The following TFG variants were observed in gnomAD, a reference collection of about 807,000 sequenced individuals.
TFG encodes trafficking from ER to golgi regulator.
A neutral mutation model predicts 51.4 loss-of-function variants in TFG; 22 were observed. That is an observed-to-expected ratio of 0.43 (90% CI 0.31 to 0.61). TFG has a LOEUF of 0.61. Ranked by LOEUF, TFG falls within the 20% of genes least tolerant of loss-of-function variation. TFG has a pLI of 0.12. For missense variants in TFG, 419 were observed against 487.7 expected, an observed-to-expected ratio of 0.86 and a Z score of 1.33; for synonymous variants, 187 against 165.6, an observed-to-expected ratio of 1.13 and a Z score of -0.99.
At chr3:100,732,354 T>A (rs1014142986) in intron 4 of TFG, among the ~76,000 whole-genome samples, 154 bp from the exon 5 acceptor site, 5 of 152,134 alleles carry the variant, frequency 3.3e-5, no homozygotes, top group African/African-American at 1.2e-4. Flanking sequence ...ATAAAAAAAA[T>A]AAAGGAATTA....
At chr3:100,734,548 A>T (rs940269752) in intron 5 of TFG, among the ~76,000 whole-genome samples, 5 of 152,032 alleles carry the variant, frequency 3.3e-5, no homozygotes, top group Non-Finnish European at 5.9e-5. Context: ...ATCCATTCTA[A>T]TTTTATTGGG....
rs1345166546 is a variant in TFG, at chr3:100,713,861, A to G, written c.176A>G (p.Lys59Arg). ...LSNDEVTIKYKDEDGDLITIF... is the reference protein window; with the variant it reads ...LSNDEVTIKYRDEDGDLITIF... ...AATGATGAAGTAACAATAAAGTATA[A>G]AGATGAAGGTAAGAGTGTTTTTAAA... Residue 59 changes from lysine (K) to arginine (R), a missense_variant, in exon 2 of 8, where the codon AAA (lysine) becomes AGA (arginine). Lys to Arg is a conservative substitution (Grantham distance 26). Around this residue, in one of 3 missense-constraint regions of TFG, gnomAD observed 391 missense variants for 434.4 expected, o/e 0.90. Transcript: ENST00000240851. 1 of 1,533,008 alleles carries G rather than the reference A, an allele frequency of 6.5e-7. No homozygotes were observed. Among genetic ancestry groups the G allele is most frequent in the Admixed American group, 1.8e-5 (1 of 55,698 alleles). 95.0% of individuals were successfully genotyped at this position (1,533,008 alleles called of 1,614,324 possible).
At chr3:100,718,389 T>C (rs2095051956) in intron 2 of TFG, among the ~76,000 whole-genome samples, 2 of 152,228 alleles carry the variant, frequency 1.3e-5, no homozygotes, top group South Asian at 4.1e-4. Context: ...ACATAAGGCC[T>C]CTGTCTCATC....
At position 100,718,316 on chromosome 3, in the gene TFG, C is replaced by G. The variant is rs544460636; in HGVS notation, c.185-1659C>G. ...GCTTTCTCTTAACTACTGTTTAGGG[C>G]AAAGGTCAGCAAACATTTTCTTTAA... is the stretch of plus-strand genomic sequence containing the variant. On this transcript the variant is annotated intron_variant, in intron 2 of 7. Transcript: ENST00000240851. Among the ~76,000 whole-genome samples the G allele has an allele frequency of 7.2e-5, 11 of 152,224 alleles. No individual in the cohort carries two copies. The East Asian group carries it at 2.1e-3, about 29-fold the overall frequency.
At chr3:100,722,750 A>G (rs552626098) in intron 3 of TFG, among the ~76,000 whole-genome samples, 2 of 152,354 alleles carry the variant, frequency 1.3e-5, no homozygotes, top group Admixed American at 6.5e-5. Context: ...AAAAATAACT[A>G]GAAAAGTAGC....
chr3:100,711,467 A>G lies in TFG; in HGVS notation c.-44+1746A>G, dbSNP rs1259812622. On this transcript the variant is annotated intron_variant, in intron 1 of 7. Transcript: ENST00000240851. ...CCCCAGTCAGAAGGACATACCATCA[A>G]TTATCTTCAAAGCTGGAATTTTTTT... Among the ~76,000 whole-genome samples, 6 of 152,306 alleles carry G rather than the reference A, an allele frequency of 3.9e-5. No individual in the cohort carries two copies. In the East Asian group the frequency reaches 7.7e-4, roughly 20 times the overall value.
rs925674307 is a variant in TFG, at chr3:100,748,913, T to A, written c.*382T>A. The A allele has an allele frequency of 4.5e-6, 1 of 220,314 alleles. No homozygotes were observed. Among genetic ancestry groups the A allele is most frequent in the African/African-American group, 2.3e-5 (1 of 44,174 alleles). 13.6% of individuals were successfully genotyped at this position (220,314 alleles called of 1,614,324 possible). A position where few individuals can be genotyped will look rare whatever the true frequency, so the allele number is the denominator to read the frequency against. Reference sequence around the variant, plus strand: ...TAGAGCCCTTTGAGAATACAAGATATTATGTATAAAATGTAACACTGATGA... The same window carrying A: ...TAGAGCCCTTTGAGAATACAAGATAATATGTATAAAATGTAACACTGATGA... On this transcript the variant is annotated 3_prime_UTR_variant, in exon 8 of 8. Coordinates refer to ENST00000240851, the MANE Select transcript of TFG (RefSeq NM_006070.6).
rs146202800 is a variant in TFG, at chr3:100,748,476, G to C, written c.1148G>C (p.Arg383Pro). 1 of 1,613,898 alleles carries C rather than the reference G, an allele frequency of 6.2e-7. No individual in the cohort carries two copies. Among genetic ancestry groups the C allele is most frequent in the Non-Finnish European group, 8.5e-7 (1 of 1,179,978 alleles). ...PPPSGPNPYARNRPPFGQGYT... is the reference protein window; with the variant it reads ...PPPSGPNPYAPNRPPFGQGYT... Reference sequence around the variant, plus strand: ...CCAAGTGGGCCTAATCCTTATGCGCGTAACCGTCCTCCCTTTGGTCAGGGC... The same window carrying C: ...CCAAGTGGGCCTAATCCTTATGCGCCTAACCGTCCTCCCTTTGGTCAGGGC... The change falls in exon 8 of 8, where the codon CGT becomes CCT. Residue 383 changes from arginine to proline, a missense_variant. Arg to Pro is a moderately radical substitution (Grantham distance 103, BLOSUM62 -2). This residue lies in a region of TFG where 391 missense variants were observed against 434.4 expected (regional missense o/e 0.90). Transcript: ENST00000240851.
chr3:100,735,740 A>G (rs535941990), intron 5 of TFG, among the ~76,000 whole-genome samples: 1 of 152,316 alleles, frequency 6.6e-6, no homozygotes, highest in Admixed American at 6.5e-5. Flanking sequence ...CTCTCCATTC[A>G]TTTCTGTGTT....
intron 2 of TFG, among the ~76,000 whole-genome samples, chr3:100,716,028 C>T (rs573484602): frequency 2.8e-4 from 43 of 151,628 alleles, no homozygotes; most frequent in Admixed American, 2.3e-3. Flanking sequence ...CAGGGTAATT[C>T]GCATATCCAT....
At chr3:100,714,394 G>T (rs1052354366) in intron 2 of TFG, among the ~76,000 whole-genome samples, 1 of 151,906 alleles carries the variant, frequency 6.6e-6, no homozygotes, top group African/African-American at 2.4e-5. Context: ...CCAACTACTC[G>T]GGAGGATGAG....
At chr3:100,745,136 A>G (rs1251470118) in intron 7 of TFG, among the ~76,000 whole-genome samples, 1 of 152,084 alleles carries the variant, frequency 6.6e-6, no homozygotes, top group African/African-American at 2.4e-5. Flanking sequence ...TGGGGAGATA[A>G]AACTTACAGT....
chr3:100,720,281 G>GT lies in TFG; in HGVS notation c.268+231dup, dbSNP rs541673855. ...TCAGTAAGAACAGAGTGTTAAGTAT[G>GT]TTTTTTTTGAAATCAGGTATAACTT... is the stretch of plus-strand genomic sequence containing the variant. On this transcript the variant is annotated intron_variant, in intron 3 of 7. Coordinates refer to ENST00000240851, the MANE Select transcript of TFG (RefSeq NM_006070.6). 4.4e-3 allele frequency among the ~76,000 whole-genome samples: 380 copies of GT among 85,562 alleles called. 3 individuals carry two copies. Among genetic ancestry groups the GT allele is most frequent in the African/African-American group, 0.012 (357 of 29,192 alleles). 56.1% of individuals were successfully genotyped at this position (85,562 alleles called of 152,430 possible). A position where few individuals can be genotyped will look rare whatever the true frequency, so the allele number is the denominator to read the frequency against.
At chr3:100,740,876 C>T (rs1356344668) in intron 6 of TFG, among the ~76,000 whole-genome samples, 1 of 152,052 alleles carries the variant, frequency 6.6e-6, no homozygotes, top group Non-Finnish European at 1.5e-5. Context: ...CACTGTATAA[C>T]ATTTCAGTCA....
intron 5 of TFG, among the ~76,000 whole-genome samples, chr3:100,734,333 A>G (rs1465825468): frequency 6.6e-6 from 1 of 152,012 alleles, no homozygotes; most frequent in Admixed American, 6.5e-5. Flanking sequence ...CCTTCTTGAG[A>G]TATCCTCGTC....
At chr3:100,719,895 A>G (rs1315581530) in intron 2 of TFG, 80 bp from the exon 3 acceptor site, 5 of 842,666 alleles carry the variant, frequency 5.9e-6, no homozygotes, top group Non-Finnish European at 9.2e-6. Flanking sequence ...TTGGATTTTT[A>G]ATTTTTACTA....
intron 5 of TFG, among the ~76,000 whole-genome samples, chr3:100,734,921 G>T (rs2095102378): frequency 6.6e-6 from 1 of 152,138 alleles, no homozygotes; most frequent in Non-Finnish European, 1.5e-5. Flanking sequence ...TACTTTTGTA[G>T]TTCTTCAGGT....
intron 4 of TFG, among the ~76,000 whole-genome samples, chr3:100,729,220 A>G (rs1576366823): frequency 1.3e-5 from 2 of 151,806 alleles, no homozygotes; most frequent in South Asian, 2.1e-4. Context: ...AGTATAATAG[A>G]TAAGTAATGA....
At chr3:100,713,551 G>T in intron 1 of TFG, 92 bp from the exon 2 acceptor site, 1 of 497,424 alleles carries the variant, frequency 2.0e-6, no homozygotes. Context: ...TGAATCTTTT[G>T]GAGGCTAGAG....
Sources: gnomAD v4.1 joint callset for allele counts (sites outside exome capture counted in the v4.1 genomes callset) on GRCh38, gnomAD v4.1.1 for gene constraint, gnomAD v4.1.1 regional missense constraint, MANE v1.5 for transcripts, NCBI Gene and HGNC (gene_info 2026-07-23, HGNC 2026-07-21) for gene names.